Variants in NXPE4 observed in about 807,000 individuals in gnomAD.
NXPE4 encodes NXPE family member 4.
In NXPE4, 42 loss-of-function variants were observed where a neutral mutation model predicts 33.3. The observed-to-expected ratio is 1.26, with a 90% CI of 0.98 to 1.63. The LOEUF (loss-of-function observed/expected upper bound fraction) is 1.63. Among genes scored for constraint, NXPE4 ranks in the 40% most tolerant of loss-of-function variants. The probability of loss-of-function intolerance (pLI) is 0.00; values close to 1 mark genes in which losing one functional copy is unlikely to be tolerated. For synonymous variants in NXPE4, 253 were observed against 234.9 expected, an observed-to-expected ratio of 1.08 and a Z score of -0.71; for missense variants, 709 against 647.6, an observed-to-expected ratio of 1.09 and a Z score of -1.03.
At chr11:114,649,102 C>T in the NXPE4 span, among the ~76,000 whole-genome samples, 2 of 151,722 alleles carry the variant, frequency 1.3e-5, no homozygotes, top group African/African-American at 4.8e-5. Flanking sequence ...ATATTCCTTT[C>T]GCCTTCAGCA....
the NXPE4 span, among the ~76,000 whole-genome samples, chr11:114,672,714 AG>A: frequency 6.6e-6 from 1 of 151,956 alleles, no homozygotes; most frequent in Non-Finnish European, 1.5e-5. Flanking sequence ...ATGGATAATG[AG>A]GAACGTTTTC....
At chr11:114,586,427 T>C (rs1024343485) in intron 2 of NXPE4, among the ~76,000 whole-genome samples, 1 of 152,164 alleles carries the variant, frequency 6.6e-6, no homozygotes, top group Admixed American at 6.6e-5. Flanking sequence ...TTCAAGGCCT[T>C]CTGCTCTCCA....
chr11:114,615,147 T>A, the NXPE4 span, among the ~76,000 whole-genome samples: 1 of 151,730 alleles, frequency 6.6e-6, no homozygotes, highest in Non-Finnish European at 1.5e-5. Flanking sequence ...TTACCTTGTG[T>A]GTAACCACTC....
At chr11:114,627,961 A>C in the NXPE4 span, among the ~76,000 whole-genome samples, 2 of 152,140 alleles carry the variant, frequency 1.3e-5, no homozygotes, top group South Asian at 2.1e-4. Flanking sequence ...ACTCAACAAG[A>C]AGAGCTAACT....
At chr11:114,622,560 C>T in the NXPE4 span, among the ~76,000 whole-genome samples, 3 of 152,032 alleles carry the variant, frequency 2.0e-5, no homozygotes, top group African/African-American at 4.8e-5. Flanking sequence ...GGTATTGCCT[C>T]GTGGGTAACC....
chr11:114,637,763 C>G, the NXPE4 span, among the ~76,000 whole-genome samples: 2 of 151,744 alleles, frequency 1.3e-5, no homozygotes, highest in Admixed American at 1.3e-4. Context: ...GTTGAAAATT[C>G]TTCTCTTTAA....
At chr11:114,604,919 G>C in the NXPE4 span, among the ~76,000 whole-genome samples, 3 of 151,960 alleles carry the variant, frequency 2.0e-5, no homozygotes, top group Non-Finnish European at 4.4e-5. Flanking sequence ...AATTAGTGTT[G>C]CCTCTAGGGT....
chr11:114,669,517 C>A, the NXPE4 span, among the ~76,000 whole-genome samples: 1 of 152,064 alleles, frequency 6.6e-6, no homozygotes, highest in Non-Finnish European at 1.5e-5. Flanking sequence ...AAGTCCTGGA[C>A]TCTCTTTCTC....
At chr11:114,613,101 C>A in the NXPE4 span, among the ~76,000 whole-genome samples, 6 of 150,886 alleles carry the variant, frequency 4.0e-5, no homozygotes, top group Non-Finnish European at 5.9e-5. Flanking sequence ...CATTGCCTCC[C>A]AGGTAACCAC....
chr11:114,601,662 A>G, the NXPE4 span, among the ~76,000 whole-genome samples: 1 of 64,782 alleles, frequency 1.5e-5, no homozygotes, highest in Admixed American at 3.0e-4. Context: ...TATTATAAAT[A>G]ATTATATATT....
chr11:114,597,506 A>G (rs573158458), upstream of NXPE4, among the ~76,000 whole-genome samples: 1 of 152,212 alleles, frequency 6.6e-6, no homozygotes, highest in African/African-American at 2.4e-5. Context: ...TTTTTGATGG[A>G]TAAATATGCA....
At chr11:114,617,726 A>G in the NXPE4 span, among the ~76,000 whole-genome samples, 1 of 151,972 alleles carries the variant, frequency 6.6e-6, no homozygotes, top group African/African-American at 2.4e-5. Context: ...CCAATGCGTA[A>G]TAAGTATTGC....
At chr11:114,610,203 C>T in the NXPE4 span, among the ~76,000 whole-genome samples, 1 of 151,902 alleles carries the variant, frequency 6.6e-6, no homozygotes, top group Non-Finnish European at 1.5e-5. Context: ...TGGGTAGCCA[C>T]TGTTACCCAG....
At chr11:114,610,276 C>T in the NXPE4 span, among the ~76,000 whole-genome samples, 2 of 150,458 alleles carry the variant, frequency 1.3e-5, no homozygotes, top group East Asian at 2.0e-4. Flanking sequence ...GTGTTGCCTA[C>T]CCGGTGGATA....
chr11:114,644,548 C>T, the NXPE4 span, among the ~76,000 whole-genome samples: 1 of 152,096 alleles, frequency 6.6e-6, no homozygotes, highest in Non-Finnish European at 1.5e-5. Flanking sequence ...CTATTTGCTA[C>T]TGCATGTACA....
At chr11:114,608,486 A>G in the NXPE4 span, among the ~76,000 whole-genome samples, 4 of 148,652 alleles carry the variant, frequency 2.7e-5, no homozygotes, top group Middle Eastern at 3.8e-3. Context: ...TGGGTAATCA[A>G]TGTTACCTGG....
chr11:114,600,529 G>A (rs1474155725), upstream of NXPE4, among the ~76,000 whole-genome samples: 1 of 151,954 alleles, frequency 6.6e-6, no homozygotes, highest in Non-Finnish European at 1.5e-5. Flanking sequence ...AGAAAATTTT[G>A]CATAGAAAAA....
intron 2 of NXPE4, among the ~76,000 whole-genome samples, chr11:114,587,745 C>T (rs966946824): frequency 6.6e-6 from 1 of 152,186 alleles, no homozygotes; most frequent in Non-Finnish European, 1.5e-5. Context: ...TAAAGGGACA[C>T]CTTTTTTCTT....
At chr11:114,652,168 T>A in the NXPE4 span, among the ~76,000 whole-genome samples, 2 of 152,168 alleles carry the variant, frequency 1.3e-5, no homozygotes, top group African/African-American at 4.8e-5. Flanking sequence ...GGGTGAGAGA[T>A]AAGCAGGGAG....
Sources: gnomAD v4.1 joint callset for allele counts (sites outside exome capture counted in the v4.1 genomes callset) on GRCh38, gnomAD v4.1.1 for gene constraint, MANE v1.5 for transcripts, NCBI Gene and HGNC (gene_info 2026-07-23, HGNC 2026-07-21) for gene names.